TRAF3: variants seen among roughly 807,000 people sequenced by gnomAD.
The protein encoded by TRAF3 is TNF receptor associated factor 3.
Under a neutral mutation model 62.3 loss-of-function variants are expected in TRAF3, and 13 were observed. The ratio of observed to expected loss-of-function variants is 0.21; its 90% CI spans 0.14 to 0.33. The LOEUF (loss-of-function observed/expected upper bound fraction) is 0.33. Among genes scored for constraint, TRAF3 ranks in the 10% least tolerant of loss-of-function variants. The probability of loss-of-function intolerance (pLI) is 1.00; values close to 1 mark genes in which losing one functional copy is unlikely to be tolerated. For synonymous variants in TRAF3, 269 were observed against 283.4 expected (o/e 0.95, Z 0.51); for missense variants, 440 against 741.8 (o/e 0.59, Z 4.73).
chr14:102,819,972 C>G (rs1899791123), intron 1 of TRAF3, among the ~76,000 whole-genome samples: 1 of 152,206 alleles, frequency 6.6e-6, no homozygotes, highest in Admixed American at 6.5e-5. Flanking sequence ...ATCTGCTTGT[C>G]ACGCATTATG....
intron 6 of TRAF3, among the ~76,000 whole-genome samples, chr14:102,878,217 C>G (rs749847403): frequency 7.9e-5 from 12 of 152,190 alleles, no homozygotes; most frequent in Non-Finnish European, 1.3e-4. Context: ...CCATCACTTA[C>G]AACAGGCTAA....
chr14:102,843,674 G>T (rs1811052685), intron 2 of TRAF3, among the ~76,000 whole-genome samples: 1 of 152,146 alleles, frequency 6.6e-6, no homozygotes, highest in Non-Finnish European at 1.5e-5. Flanking sequence ...CAGGCATGGT[G>T]TCTCACACCT....
At chr14:102,802,262 C>G (rs1309512011) in intron 1 of TRAF3, among the ~76,000 whole-genome samples, 1 of 144,580 alleles carries the variant, frequency 6.9e-6, no homozygotes, top group South Asian at 2.3e-4. Context: ...TCACGCCATT[C>G]TCCTGCCTCA....
chr14:102,903,446 G>A lies in TRAF3; in HGVS notation c.1135+17G>A. The A allele has an allele frequency of 6.2e-7, 1 of 1,613,152 alleles. No individual in the cohort carries two copies. The highest frequency in any genetic ancestry group is 8.5e-7 in the Non-Finnish European group (1 of 1,179,766). On this transcript the variant is annotated intron_variant, in intron 11 of 11. Coordinates refer to ENST00000392745, the MANE Select transcript of TRAF3 (RefSeq NM_145725.3). This position sits in a 1 kb window ranked among gnomAD's most constrained non-coding sequence, Gnocchi z 6.4. ...GGAACACAGGTGAGGCAGGGGCCGG[G>A]GCCGGGCCAGCAGTGTGCATCTGGG... is the stretch of plus-strand genomic sequence containing the variant.
chr14:102,794,467 G>A (rs750948091), intron 1 of TRAF3, among the ~76,000 whole-genome samples: 1 of 152,236 alleles, frequency 6.6e-6, no homozygotes, highest in Non-Finnish European at 1.5e-5. Context: ...ACAGGCGTGA[G>A]CTACTGTGCC....
intron 1 of TRAF3, among the ~76,000 whole-genome samples, chr14:102,783,399 A>G (rs1184191640): frequency 6.6e-6 from 1 of 152,178 alleles, no homozygotes; most frequent in Non-Finnish European, 1.5e-5. Context: ...AGAACAGGAA[A>G]ACTAGTTCTC....
chr14:102,842,676 C>A (rs530358696), intron 2 of TRAF3, among the ~76,000 whole-genome samples: 3 of 152,222 alleles, frequency 2.0e-5, no homozygotes, highest in African/African-American at 7.2e-5. Flanking sequence ...ACCTCATAAT[C>A]AGATTGCCAG....
At chr14:102,846,011 A>T (rs35103602) in intron 2 of TRAF3, among the ~76,000 whole-genome samples, 2 of 78,300 alleles carry the variant, frequency 2.6e-5, no homozygotes, top group South Asian at 3.3e-4. Flanking sequence ...AAAAAAAAAT[A>T]CTATTATACC....
intron 1 of TRAF3, among the ~76,000 whole-genome samples, chr14:102,801,450 T>G (rs991139157): frequency 2.0e-5 from 3 of 152,174 alleles, no homozygotes; most frequent in Non-Finnish European, 4.4e-5. Flanking sequence ...ACCCAGCTTA[T>G]AGGTGGGTCA....
chr14:102,881,849 G>A lies in TRAF3; in HGVS notation c.571-4340G>A, dbSNP rs1245724151. ...ACTGATTTTTGTTTAAGAAGGAATC[G>A]TAGCGTATGTCTGTTAAACACCATA... On this transcript the variant is annotated intron_variant, in intron 6 of 11. Coordinates refer to ENST00000392745, the MANE Select transcript of TRAF3 (RefSeq NM_145725.3). Among the ~76,000 whole-genome samples, 3 of 152,182 alleles carry A rather than the reference G, an allele frequency of 2.0e-5. No homozygotes were observed. The South Asian group carries it at 6.2e-4, about 31-fold the overall frequency.
intron 2 of TRAF3, among the ~76,000 whole-genome samples, chr14:102,866,322 G>T (rs1235115725): frequency 6.6e-6 from 1 of 152,106 alleles, no homozygotes; most frequent in Non-Finnish European, 1.5e-5. Flanking sequence ...GTAGATGACG[G>T]GTTGATGGGT....
At chr14:102,812,746 T>C (rs993100304) in intron 1 of TRAF3, among the ~76,000 whole-genome samples, 25 of 150,018 alleles carry the variant, frequency 1.7e-4, no homozygotes, top group South Asian at 4.2e-4. Context: ...GGTGAAACCC[T>C]GTCTTTACTA....
In TRAF3 at chr14:102,903,332, A is replaced by C; in HGVS notation, c.1038A>C (p.Glu346Asp). 1 of 1,614,208 alleles carries C rather than the reference A, an allele frequency of 6.2e-7. No individual in the cohort carries two copies. Among genetic ancestry groups the C allele is most frequent in the Non-Finnish European group, 8.5e-7 (1 of 1,180,032 alleles). ...EIRPFRQNWE[E>D]ADSMKSSVES... ...GGCCCTTCCGGCAGAACTGGGAGGA[A>C]GCAGACAGCATGAAGAGCAGCGTGG... Residue 346 changes from glutamate (E) to aspartate (D), a missense_variant, in exon 11 of 12, where the codon GAA becomes GAC. Physicochemically the swap from Glu to Asp is conservative, Grantham distance 45. Transcript: ENST00000392745. The surrounding 1 kb of genome is among the most constrained non-coding windows in gnomAD (Gnocchi z 6.4).
chr14:102,812,441 G>A (rs1164320603), intron 1 of TRAF3, among the ~76,000 whole-genome samples: 1 of 152,176 alleles, frequency 6.6e-6, no homozygotes, highest in Non-Finnish European at 1.5e-5. Flanking sequence ...ATTGTGAATA[G>A]TGCTACGGTA....
At chr14:102,786,756 G>A (rs944531561) in intron 1 of TRAF3, among the ~76,000 whole-genome samples, 11 of 152,074 alleles carry the variant, frequency 7.2e-5, no homozygotes, top group South Asian at 2.1e-4. Context: ...AGGATGAGGC[G>A]GGGGGATCGC....
intron 2 of TRAF3, among the ~76,000 whole-genome samples, chr14:102,841,640 G>T (rs1176223891): frequency 6.6e-6 from 1 of 152,062 alleles, no homozygotes; most frequent in Admixed American, 6.5e-5. Context: ...CCAAAGCCCC[G>T]ACTATATTTA....
chr14:102,898,593 G>A (rs1334584356), intron 10 of TRAF3, among the ~76,000 whole-genome samples: 3 of 152,220 alleles, frequency 2.0e-5, no homozygotes, highest in Non-Finnish European at 4.4e-5. Context: ...GAGAGGCACT[G>A]GAAAGGCCGG....
Position 102,876,384 on chromosome 14 carries a change from T to C in TRAF3, c.429T>C (p.Phe143=). ...TGCATTTAAAAAATGATTGCCATTT[T>C]GAAGAACTTCCATGTGTGCGTCCTG... The part of the protein sequence containing the change: ...LLVHLKNDCH[F]EELPCVRPDC... The change falls in exon 6 of 12, where the codon TTT becomes TTC. Residue 143 remains phenylalanine (F), a synonymous_variant. Transcript: ENST00000392745. 1 of 1,614,238 alleles carries C rather than the reference T, an allele frequency of 6.2e-7. No homozygotes were observed. Among genetic ancestry groups the C allele is most frequent in the African/African-American group, 1.3e-5 (1 of 75,066 alleles).
In TRAF3 at chr14:102,851,859, T is replaced by C. The variant is rs117608968; in HGVS notation, c.-17-18326T>C. Among the ~76,000 whole-genome samples, 163 of 151,984 alleles carry C rather than the reference T, an allele frequency of 1.1e-3. 1 individual carries two copies. In the East Asian group the frequency reaches 0.017, roughly 16 times the overall value. ...CAGTCTGGGCCACATTGGCGAGACCTACCTGGGCAACATGGCGAGACCCTG... is the reference window on the plus strand; with the variant it reads ...CAGTCTGGGCCACATTGGCGAGACCCACCTGGGCAACATGGCGAGACCCTG... On this transcript the variant is annotated intron_variant, in intron 2 of 11. Transcript: ENST00000392745.
Sources: gnomAD v4.1 joint callset for allele counts (sites outside exome capture counted in the v4.1 genomes callset) on GRCh38, gnomAD v4.1.1 for gene constraint, Gnocchi (gnomAD v3.1) non-coding constraint, MANE v1.5 for transcripts, NCBI Gene and HGNC (gene_info 2026-07-23, HGNC 2026-07-21) for gene names.